Variants in TCP11L1 observed in about 807,000 individuals in gnomAD.
TCP11L1 encodes the protein T-complex protein 11-like protein 1.
Under a neutral mutation model 48.9 loss-of-function variants are expected in TCP11L1, and 28 were observed. That is an observed-to-expected ratio of 0.57 (90% confidence interval 0.42 to 0.78). TCP11L1 has a LOEUF of 0.78. TCP11L1 is among the 30% of genes least tolerant of loss of function. The pLI is 0.00. For missense variants in TCP11L1, 505 were observed against 613.4 expected, an observed-to-expected ratio of 0.82 and a Z score of 1.87; for synonymous variants, 204 against 231.9, an observed-to-expected ratio of 0.88 and a Z score of 1.09.
intron 1 of TCP11L1, among the ~76,000 whole-genome samples, chr11:33,042,268 C>G (rs988823462): frequency 6.6e-6 from 1 of 152,140 alleles, no homozygotes; most frequent in African/African-American, 2.4e-5. Context: ...GTATTTGGGA[C>G]TACAGGCACC....
chr11:33,054,157 T>G (rs1165959486), intron 2 of TCP11L1, among the ~76,000 whole-genome samples: 1 of 152,076 alleles, frequency 6.6e-6, no homozygotes, highest in African/African-American at 2.4e-5. Flanking sequence ...TGTGGCAGTG[T>G]TAGTGGTAGT....
At position 33,043,923 on chromosome 11, in the gene TCP11L1, G is replaced by T; in HGVS notation, c.150G>T (p.Val50=). ...IKSDSSSPQR[V]QRPHSSPPRF... ...CAGACTCCTCCAGCCCCCAAAGAGT[G>T]CAGAGACCTCACTGTAAGCAAATTT... Residue 50 remains valine, a synonymous_variant, in exon 2 of 10, where the codon GTG becomes GTT. Transcript: ENST00000334274. 1 of 1,599,844 alleles carries T rather than the reference G, an allele frequency of 6.3e-7. No individual in the cohort carries two copies.
intron 8 of TCP11L1, among the ~76,000 whole-genome samples, chr11:33,067,464 T>C (rs948655425): frequency 7.2e-5 from 11 of 152,144 alleles, no homozygotes; most frequent in African/African-American, 2.7e-4. Flanking sequence ...GTTTTGACAG[T>C]CAAACTAGTT....
intron 2 of TCP11L1, among the ~76,000 whole-genome samples, chr11:33,045,352 CA>C (rs59665470): frequency 0.016 from 1,859 of 115,832 alleles, 39 homozygotes; most frequent in African/African-American, 0.051. Context: ...GACCCTGTCT[CA>C]AAAAAAAAAA....
At chr11:33,042,403 C>T (rs957922977) in intron 1 of TCP11L1, among the ~76,000 whole-genome samples, 3 of 152,122 alleles carry the variant, frequency 2.0e-5, no homozygotes, top group African/African-American at 7.2e-5. Context: ...AGGCTGGGCA[C>T]GGTGGCTCAT....
chr11:33,046,605 G>C (rs1379024278), intron 2 of TCP11L1, among the ~76,000 whole-genome samples: 1 of 152,202 alleles, frequency 6.6e-6, no homozygotes, highest in Non-Finnish European at 1.5e-5. Flanking sequence ...TAAAATCAAT[G>C]CCCTAAGGTA....
intron 2 of TCP11L1, among the ~76,000 whole-genome samples, chr11:33,044,737 A>T (rs770170710): frequency 6.6e-6 from 1 of 152,222 alleles, no homozygotes; most frequent in Non-Finnish European, 1.5e-5. Flanking sequence ...GCAAACATTA[A>T]TGGACCCTAT....
chr11:33,057,337 A>T, intron 4 of TCP11L1, 102 bp downstream of exon 4: 1 of 1,549,994 alleles, frequency 6.5e-7, no homozygotes, highest in Non-Finnish European at 8.8e-7. Context: ...TGAAGGATCA[A>T]GAAGTTAAAG....
At chr11:33,040,030 T>C (rs554516994) in intron 1 of TCP11L1, 1 of 152,314 alleles carries the variant, frequency 6.6e-6, no homozygotes, top group East Asian at 1.9e-4. Flanking sequence ...GAACAGCTGT[T>C]TACAACGGAA....
chr11:33,069,269 G>A (rs372393961), intron 9 of TCP11L1, among the ~76,000 whole-genome samples: 1 of 152,056 alleles, frequency 6.6e-6, no homozygotes, highest in Non-Finnish European at 1.5e-5. Flanking sequence ...GAGCTGTTAC[G>A]AAAAGAGCTG....
Position 33,072,565 on chromosome 11 carries a change from G to C in TCP11L1, c.1419G>C (p.Gln473His), listed in dbSNP as rs752386369. 3 of 1,614,050 alleles carry C rather than the reference G, an allele frequency of 1.9e-6. No homozygotes were observed. The highest frequency in any genetic ancestry group is 2.5e-6 in the Non-Finnish European group (3 of 1,180,028). Residue 473 changes from glutamine to histidine, a missense_variant, in exon 10 of 10, where the codon CAG (glutamine) becomes CAC (histidine). Coordinates refer to ENST00000334274, the MANE Select transcript of TCP11L1 (RefSeq NM_018393.4). The part of the protein sequence containing the change: ...PTVPGGLSPV[Q>H]RELEEVAIKF... Reference sequence around the variant, plus strand: ...TCCCTGGGGGACTCAGTCCAGTTCAGAGAGAGCTGGAGGAAGTTGCTATTA... The same window carrying C: ...TCCCTGGGGGACTCAGTCCAGTTCACAGAGAGCTGGAGGAAGTTGCTATTA...
intron 9 of TCP11L1, among the ~76,000 whole-genome samples, chr11:33,070,873 G>C (rs944431354): frequency 6.6e-6 from 1 of 150,740 alleles, no homozygotes; most frequent in Non-Finnish European, 1.5e-5. Flanking sequence ...ATGGTGGCGT[G>C]TGCCTGTAAT....
intron 6 of TCP11L1, among the ~76,000 whole-genome samples, chr11:33,060,127 G>C (rs1472860410): frequency 6.6e-6 from 1 of 152,104 alleles, no homozygotes; most frequent in Non-Finnish European, 1.5e-5. Context: ...TTTTCTTTGA[G>C]ATAGAGTCTC....
intron 2 of TCP11L1, among the ~76,000 whole-genome samples, chr11:33,046,676 C>T (rs893261770): frequency 6.6e-6 from 1 of 152,098 alleles, no homozygotes; most frequent in African/African-American, 2.4e-5. Flanking sequence ...GCTATAAACC[C>T]AAAAGATAAA....
chr11:33,061,891 G>A (rs1166803530), intron 7 of TCP11L1, among the ~76,000 whole-genome samples, 165 bp downstream of exon 7: 1 of 152,074 alleles, frequency 6.6e-6, no homozygotes, highest in Non-Finnish European at 1.5e-5. Flanking sequence ...GACTTGCCTG[G>A]GCAACATGGC....
intron 9 of TCP11L1, 82 bp downstream of exon 9, chr11:33,068,941 C>T (rs2133748376): frequency 6.6e-7 from 1 of 1,518,658 alleles, no homozygotes; most frequent in Admixed American, 1.9e-5. Flanking sequence ...CCTGAGGGCT[C>T]AGCTGGAGTT....
At chr11:33,058,505 A>G (rs964444691) in intron 5 of TCP11L1, among the ~76,000 whole-genome samples, 2 of 149,108 alleles carry the variant, frequency 1.3e-5, no homozygotes, top group African/African-American at 4.9e-5. Flanking sequence ...GACCAGAACT[A>G]TTTTCAATTT....
chr11:33,044,019 C>G, intron 2 of TCP11L1, 83 bp downstream of exon 2: 1 of 1,376,230 alleles, frequency 7.3e-7, no homozygotes, highest in Non-Finnish European at 9.8e-7. Context: ...GTGCATGTGG[C>G]CGTGAGCTAG....
chr11:33,064,665 C>T (rs1467301793), intron 7 of TCP11L1, among the ~76,000 whole-genome samples: 1 of 152,198 alleles, frequency 6.6e-6, no homozygotes, highest in Non-Finnish European at 1.5e-5. Context: ...TTCTCTTCCT[C>T]TTTATTTACT....
Sources: gnomAD v4.1 joint callset for allele counts (sites outside exome capture counted in the v4.1 genomes callset) on GRCh38, gnomAD v4.1.1 for gene constraint, MANE v1.5 for transcripts, NCBI Gene and HGNC (gene_info 2026-07-23, HGNC 2026-07-21) for gene names.